YES1: variants seen among roughly 807,000 people sequenced by gnomAD.
The protein encoded by YES1 is YES proto-oncogene 1, Src family tyrosine kinase.
In YES1, 39 loss-of-function variants were observed where a neutral mutation model predicts 70.4. The ratio of observed to expected loss-of-function variants is 0.55; its 90% CI spans 0.43 to 0.72. The LOEUF is 0.72. Ranked by LOEUF, YES1 falls within the 30% of genes least tolerant of loss-of-function variation. YES1 has a pLI of 0.00. For missense variants in YES1, 495 were observed against 644.8 expected (o/e 0.77, Z 2.52); for synonymous variants, 198 against 218.6 (o/e 0.91, Z 0.83).
intron 1 of YES1, among the ~76,000 whole-genome samples, chr18:788,670 G>A (rs8094760): frequency 0.026 from 3,978 of 152,214 alleles, 181 homozygotes; most frequent in African/African-American, 0.09. Flanking sequence ...TGTAATCCCC[G>A]GCACTTTGGG....
rs749053147 is a variant in YES1, at chr18:756,566, C to T, written c.262G>A (p.Gly88Ser). ...FSVVPSSYPA[G>S]LTGGVTIFVA... ...TCCATTTAAATCTCACCTGTTAAACCAGCAGGATATGAACTTGGCACCACT... is the reference window on the plus strand; with the variant it reads ...TCCATTTAAATCTCACCTGTTAAACTAGCAGGATATGAACTTGGCACCACT... Residue 88 changes from glycine (G) to serine (S), a missense_variant, in exon 2 of 12, where the codon GGT (glycine) becomes AGT (serine). By Grantham distance (56) the Gly-to-Ser change is moderately conservative. Coordinates refer to ENST00000314574, the MANE Select transcript of YES1 (RefSeq NM_005433.4). 1 of 1,614,100 alleles carries T rather than the reference C, an allele frequency of 6.2e-7. No homozygotes were observed. Among genetic ancestry groups the T allele is most frequent in the South Asian group, 1.1e-5 (1 of 91,068 alleles).
intron 11 of YES1, among the ~76,000 whole-genome samples, chr18:730,038 A>G (rs996518908): frequency 6.6e-6 from 1 of 152,162 alleles, no homozygotes; most frequent in Non-Finnish European, 1.5e-5. Context: ...GGATCATGTT[A>G]TCTTTTTCTG....
At chr18:780,154 G>A (rs904228809) in intron 1 of YES1, among the ~76,000 whole-genome samples, 9 of 152,194 alleles carry the variant, frequency 5.9e-5, no homozygotes, top group African/African-American at 2.2e-4. Context: ...GAACCAGGGA[G>A]GTGGGGGTCA....
intron 11 of YES1, among the ~76,000 whole-genome samples, chr18:725,998 T>C (rs770842470): frequency 3.3e-5 from 5 of 152,256 alleles, no homozygotes; most frequent in Non-Finnish European, 7.3e-5. Context: ...GGGCTTACTA[T>C]AATTGAACTT....
At position 724,451 on chromosome 18, in the gene YES1, T is replaced by C. The variant is rs778366513; in HGVS notation, c.1605A>G (p.Pro535=). The C allele has an allele frequency of 1.9e-6, 3 of 1,614,196 alleles. No homozygotes were observed. In the Admixed American group the frequency reaches 5.0e-5, roughly 27 times the overall value. Reference sequence around the variant, plus strand: ...ATAAATTTTCTCCTGGCTGGTACTGTGGCTCTGTAGCAGTGAAGTAGTCTT... The same window carrying C: ...ATAAATTTTCTCCTGGCTGGTACTGCGGCTCTGTAGCAGTGAAGTAGTCTT... ...FLEDYFTATE[P]QYQPGENL The change falls in exon 12 of 12, where the codon CCA becomes CCG. Residue 535 remains proline, a synonymous_variant. Coordinates refer to ENST00000314574, the MANE Select transcript of YES1 (RefSeq NM_005433.4).
chr18:746,103 T>C (rs1249791972), intron 4 of YES1, 52 bp from the exon 5 acceptor site: 1 of 1,345,734 alleles, frequency 7.4e-7, no homozygotes, highest in East Asian at 2.4e-5. Context: ...TCAGAAAAAT[T>C]ATACAGAAGT....
chr18:782,952 G>A (rs987205291), intron 1 of YES1, among the ~76,000 whole-genome samples: 3 of 152,148 alleles, frequency 2.0e-5, no homozygotes, highest in African/African-American at 7.2e-5. Context: ...GAAGTGCTGC[G>A]ATTACAGGCG....
chr18:765,508 C>T (rs1019935204), intron 1 of YES1, among the ~76,000 whole-genome samples: 1 of 150,112 alleles, frequency 6.7e-6, no homozygotes, highest in African/African-American at 2.5e-5. Flanking sequence ...AAGCGATTCT[C>T]CTGCCTCACC....
At chr18:731,966 C>CAAA (rs1165333694) in intron 11 of YES1, among the ~76,000 whole-genome samples, 1,613 of 79,740 alleles carry the variant, frequency 0.02, 88 homozygotes, top group East Asian at 0.093. Flanking sequence ...GACTCCATTT[C>CAAA]AAAAAAAAAA....
intron 1 of YES1, among the ~76,000 whole-genome samples, chr18:793,574 T>C (rs1208879261): frequency 6.6e-6 from 1 of 152,106 alleles, no homozygotes; most frequent in Non-Finnish European, 1.5e-5. Context: ...TAGGCTCAAG[T>C]GATCTTCCCA....
intron 1 of YES1, among the ~76,000 whole-genome samples, chr18:786,527 ACAC>A (rs1905954773): frequency 6.6e-6 from 1 of 151,666 alleles, no homozygotes; most frequent in Non-Finnish European, 1.5e-5. Flanking sequence ...ACACACACAC[ACAC>A]ACACACAGAG....
At chr18:751,078 C>G (rs2080336211) in intron 3 of YES1, among the ~76,000 whole-genome samples, 1 of 152,002 alleles carries the variant, frequency 6.6e-6, no homozygotes, top group Non-Finnish European at 1.5e-5. Context: ...ATTTTATGTT[C>G]CGGAACAATA....
intron 1 of YES1, among the ~76,000 whole-genome samples, chr18:779,051 C>G (rs1255650682): frequency 1.3e-5 from 2 of 152,000 alleles, no homozygotes; most frequent in Non-Finnish European, 2.9e-5. Context: ...CCTGGAACCT[C>G]GTAGTTTCTT....
At chr18:737,142 C>A in intron 9 of YES1, 181 bp from the exon 10 acceptor site, 1 of 571,762 alleles carries the variant, frequency 1.7e-6, no homozygotes, top group Non-Finnish European at 2.9e-6. Context: ...AAAATGCAGG[C>A]TAAATTCAGA....
chr18:779,895 A>G (rs1905568279), intron 1 of YES1, among the ~76,000 whole-genome samples: 1 of 152,128 alleles, frequency 6.6e-6, no homozygotes, highest in Non-Finnish European at 1.5e-5. Context: ...TTTCTATAAC[A>G]ATGTATGTAG....
intron 11 of YES1, among the ~76,000 whole-genome samples, chr18:725,361 CTT>C (rs2080005265): frequency 6.6e-6 from 1 of 152,286 alleles, no homozygotes; most frequent in African/African-American, 2.4e-5. Flanking sequence ...CTCTTGGAAA[CTT>C]TATCAACCAA....
At chr18:734,417 A>C (rs1220125385) in intron 10 of YES1, among the ~76,000 whole-genome samples, 1 of 145,922 alleles carries the variant, frequency 6.9e-6, no homozygotes, top group Non-Finnish European at 1.5e-5. Context: ...AAATTAGCCG[A>C]GCTTGGTGGC....
chr18:782,628 C>A (rs370424560), intron 1 of YES1, among the ~76,000 whole-genome samples: 1 of 152,100 alleles, frequency 6.6e-6, no homozygotes, highest in African/African-American at 2.4e-5. Context: ...GATTTTAAAT[C>A]TTATATGAAT....
intron 1 of YES1, among the ~76,000 whole-genome samples, chr18:759,194 C>A (rs560493885): frequency 6.6e-6 from 1 of 152,256 alleles, no homozygotes; most frequent in South Asian, 2.1e-4. Context: ...GGGCTAGGCG[C>A]GGTGGCTCAC....
Sources: allele counts gnomAD v4.1 joint callset (sites outside exome capture counted in the v4.1 genomes callset), GRCh38; gene constraint gnomAD v4.1.1; transcripts MANE v1.5; gene names NCBI Gene and HGNC (gene_info 2026-07-23, HGNC 2026-07-21).